Variants in CPPED1 observed in about 807,000 individuals in gnomAD.
The protein encoded by CPPED1 is serine/threonine-protein phosphatase CPPED1.
Under a neutral mutation model 28.0 loss-of-function variants are expected in CPPED1, and 28 were observed. The ratio of observed to expected loss-of-function variants is 1.00; its 90% CI spans 0.74 to 1.37. The LOEUF (loss-of-function observed/expected upper bound fraction) is 1.37, where lower values mean the gene tolerates loss of function less well. Among genes scored for constraint, CPPED1 ranks in the 40% most tolerant of loss-of-function variants. The pLI is 0.00. For missense variants in CPPED1, 504 were observed against 416.5 expected (o/e 1.21, Z -1.83); for synonymous variants, 198 against 180.2 (o/e 1.10, Z -0.79).
At position 12,744,013 on chromosome 16, in the gene CPPED1, A is replaced by C. The variant is rs143413806; in HGVS notation, c.289+37172T>G. Among the ~76,000 whole-genome samples the C allele has an allele frequency of 9.2e-5, 14 of 152,056 alleles. No individual in the cohort carries two copies. In the East Asian group the frequency reaches 2.7e-3, roughly 29 times the overall value. On this transcript the variant is annotated intron_variant, in intron 2 of 3. Coordinates refer to ENST00000381774, the MANE Select transcript of CPPED1 (RefSeq NM_018340.3). The stretch of plus-strand genomic sequence containing the variant: ...AAGATGTGGCTGGGCGTGGTGGCTC[A>C]CACCTGTAATCTCAGCACTTTGGGA...
At chr16:12,761,112 CA>C (rs902271043) in intron 2 of CPPED1, 3 of 151,732 alleles carry the variant, frequency 2.0e-5, no homozygotes, top group African/African-American at 7.3e-5. Flanking sequence ...AGTTGGCAAA[CA>C]GGGGTAGAAA....
intron 2 of CPPED1, among the ~76,000 whole-genome samples, chr16:12,714,036 G>A (rs1266414673): frequency 6.6e-6 from 1 of 152,102 alleles, no homozygotes; most frequent in African/African-American, 2.4e-5. Context: ...CATATAAAAT[G>A]TAGGCTTTTG....
intron 1 of CPPED1, among the ~76,000 whole-genome samples, chr16:12,784,175 T>A (rs1215709220): frequency 1.3e-5 from 2 of 152,192 alleles, no homozygotes; most frequent in African/African-American, 2.4e-5. Context: ...ACTGTCATGT[T>A]GTGAATATCC....
chr16:12,772,143 C>CA (rs561135368), intron 2 of CPPED1, among the ~76,000 whole-genome samples: 3,854 of 150,244 alleles, frequency 0.026, 80 homozygotes, highest in South Asian at 0.078. Context: ...CAAAACAAAA[C>CA]AAAAAAAAAC....
At chr16:12,790,330 G>A (rs2080588725) in intron 1 of CPPED1, among the ~76,000 whole-genome samples, 1 of 152,122 alleles carries the variant, frequency 6.6e-6, no homozygotes, top group East Asian at 1.9e-4. Flanking sequence ...ATTTGTCAAT[G>A]TTAATGAAAG....
chr16:12,687,104 A>C (rs1315548735), intron 3 of CPPED1, among the ~76,000 whole-genome samples: 1 of 152,146 alleles, frequency 6.6e-6, no homozygotes, highest in African/African-American at 2.4e-5. Flanking sequence ...TGTCCCACAA[A>C]ACCTAAACTA....
At chr16:12,691,215 C>A (rs892823094) in intron 3 of CPPED1, among the ~76,000 whole-genome samples, 21 of 152,224 alleles carry the variant, frequency 1.4e-4, no homozygotes, top group Non-Finnish European at 2.9e-4. Context: ...GAGCAAGAGT[C>A]CCTGTGGTGT....
At chr16:12,779,378 C>T (rs1013368941) in intron 2 of CPPED1, among the ~76,000 whole-genome samples, 1 of 146,562 alleles carries the variant, frequency 6.8e-6, no homozygotes, top group African/African-American at 2.5e-5. Context: ...ACCACCACGC[C>T]TGGCTAATTT....
intron 2 of CPPED1, among the ~76,000 whole-genome samples, chr16:12,754,736 C>T (rs892669190): frequency 1.3e-5 from 2 of 152,164 alleles, no homozygotes; most frequent in Non-Finnish European, 2.9e-5. Context: ...CTGTGGCTCA[C>T]ACCTGTAATC....
intron 2 of CPPED1, among the ~76,000 whole-genome samples, chr16:12,711,101 T>A (rs529405409): frequency 7.9e-5 from 12 of 152,212 alleles, no homozygotes; most frequent in African/African-American, 2.2e-4. Context: ...CACTGACAGA[T>A]GAATGGATAA....
intron 2 of CPPED1, among the ~76,000 whole-genome samples, chr16:12,744,778 C>T (rs1214726326): frequency 6.6e-6 from 1 of 152,150 alleles, no homozygotes; most frequent in East Asian, 1.9e-4. Flanking sequence ...CTCACAAGTT[C>T]AAGACCAGCC....
intron 2 of CPPED1, among the ~76,000 whole-genome samples, chr16:12,754,217 A>T (rs987658566): frequency 1.3e-5 from 2 of 152,216 alleles, no homozygotes; most frequent in Non-Finnish European, 2.9e-5. Context: ...GTTTGATGAC[A>T]GATGAAATAA....
Position 12,661,600 on chromosome 16 carries a change from A to T in CPPED1, c.*3286T>A, listed in dbSNP as rs2079794947. 1 of 152,146 alleles carries T rather than the reference A, an allele frequency of 6.6e-6. No individual in the cohort carries two copies. The highest frequency in any genetic ancestry group is 2.1e-4 in the South Asian group (1 of 4,834). The allele number at this position is 152,146 out of a possible 1,614,324, so 9.4% of individuals were successfully genotyped here. A position where few individuals can be genotyped will look rare whatever the true frequency, so the allele number is the denominator to read the frequency against. On this transcript the variant is annotated 3_prime_UTR_variant, in exon 4 of 4. Coordinates refer to ENST00000381774, the MANE Select transcript of CPPED1 (RefSeq NM_018340.3). The stretch of plus-strand genomic sequence containing the variant: ...TTTGTTTTTTCCTCCAATTAAAGTG[A>T]TTAATTGGAAAGGGGAGCATTAGGT...
At chr16:12,766,256 T>TATATATATATATATATATATATAGAGAG in intron 2 of CPPED1, among the ~76,000 whole-genome samples, 1 of 134,250 alleles carries the variant, frequency 7.4e-6, no homozygotes, top group African/African-American at 3.5e-5. Flanking sequence ...TATATATATA[T>TATATATATATATATATATATATAGAGAG]AGAGAGAGAG....
chr16:12,722,766 C>G (rs1171040980), intron 2 of CPPED1, among the ~76,000 whole-genome samples: 1 of 152,142 alleles, frequency 6.6e-6, no homozygotes, highest in Non-Finnish European at 1.5e-5. Context: ...GTTTCCTCAG[C>G]CTGCCCTGGC....
chr16:12,762,912 TA>T (rs1182096445), intron 2 of CPPED1, among the ~76,000 whole-genome samples: 71 of 146,330 alleles, frequency 4.9e-4, no homozygotes, highest in Admixed American at 9.5e-4. Flanking sequence ...CCCAGCTAAT[TA>T]AAAAAAAAAA....
chr16:12,752,632 T>C (rs1271040104), intron 2 of CPPED1, among the ~76,000 whole-genome samples: 1 of 147,430 alleles, frequency 6.8e-6, no homozygotes, highest in Non-Finnish European at 1.5e-5. Flanking sequence ...TTATATTATA[T>C]ATTATGTATA....
At chr16:12,768,183 C>A (rs7195868) in intron 2 of CPPED1, among the ~76,000 whole-genome samples, 5 of 152,056 alleles carry the variant, frequency 3.3e-5, no homozygotes, top group Admixed American at 3.3e-4. Flanking sequence ...TTTCGCCCTG[C>A]GGTTTTGTCT....
At chr16:12,781,074 G>C in intron 2 of CPPED1, 111 bp downstream of exon 2, 1 of 848,890 alleles carries the variant, frequency 1.2e-6, no homozygotes. Context: ...CGAAAGAACG[G>C]TCCATGACTG....
Sources: gnomAD v4.1 joint callset for allele counts (sites outside exome capture counted in the v4.1 genomes callset) on GRCh38, gnomAD v4.1.1 for gene constraint, MANE v1.5 for transcripts, NCBI Gene and HGNC (gene_info 2026-07-23, HGNC 2026-07-21) for gene names.